CYBRD1: variants seen among roughly 807,000 people sequenced by gnomAD.
The protein encoded by CYBRD1 is cytochrome b reductase 1, also known as plasma membrane ascorbate-dependent reductase CYBRD1.
In CYBRD1, 14 loss-of-function variants were observed where a neutral mutation model predicts 21.9. The ratio of observed to expected loss-of-function variants is 0.64; its 90% CI spans 0.42 to 1.00. The LOEUF (loss-of-function observed/expected upper bound fraction) is 1.00, where lower values mean the gene tolerates loss of function less well. Ranked by LOEUF, CYBRD1 falls within the 50% of genes least tolerant of loss-of-function variation. CYBRD1 has a pLI of 0.00. For synonymous variants in CYBRD1, 146 were observed against 136.5 expected, an observed-to-expected ratio of 1.07 and a Z score of -0.48; for missense variants, 328 against 352.5, an observed-to-expected ratio of 0.93 and a Z score of 0.56.
chr2:171,534,719 G>A (rs534279751), intron 1 of CYBRD1, among the ~76,000 whole-genome samples: 10 of 152,298 alleles, frequency 6.6e-5, no homozygotes, highest in East Asian at 3.9e-4. Flanking sequence ...CACCTATTGA[G>A]TAGGTAAGAC....
At chr2:171,529,084 C>A (rs535599951) in intron 1 of CYBRD1, among the ~76,000 whole-genome samples, 2 of 152,278 alleles carry the variant, frequency 1.3e-5, no homozygotes, top group Non-Finnish European at 2.9e-5. Context: ...AATAAACATT[C>A]AATGAATATT....
rs71013042 is a variant in CYBRD1 at position 171,536,133 on chromosome 2, CTTTTTTTT to C, written c.194-5440_194-5433del. On this transcript the variant is annotated intron_variant, in intron 1 of 3. Coordinates refer to ENST00000321348, the MANE Select transcript of CYBRD1 (RefSeq NM_024843.4). ...GAGTCATGATATCATGATAGTTACT[CTTTTTTTT>C]TTTTTTTTTTTGAGACAGTGTCTTG... Among the ~76,000 whole-genome samples, 5 of 110,266 alleles carry C rather than the reference CTTTTTTTT, an allele frequency of 4.5e-5. No homozygotes were observed. In the East Asian group the frequency reaches 1.0e-3, roughly 23 times the overall value. The allele number at this position is 110,266 out of a possible 152,430, so 72.3% of individuals were successfully genotyped here. A position where few individuals can be genotyped will look rare whatever the true frequency, so the allele number is the denominator to read the frequency against.
In CYBRD1 at chr2:171,557,008, A is replaced by C. The variant is rs771597285; in HGVS notation, c.*2181A>C. 1 of 152,648 alleles carries C rather than the reference A, an allele frequency of 6.6e-6. No individual in the cohort carries two copies. The highest frequency in any genetic ancestry group is 1.9e-4 in the East Asian group (1 of 5,202). 9.5% of individuals were successfully genotyped at this position (152,648 alleles called of 1,614,324 possible). A position where few individuals can be genotyped will look rare whatever the true frequency, so the allele number is the denominator to read the frequency against. On this transcript the variant is annotated 3_prime_UTR_variant, in exon 4 of 4. Coordinates refer to ENST00000321348, the MANE Select transcript of CYBRD1 (RefSeq NM_024843.4). ...AGTTAATTATGGCTTTGGCACTAGA[A>C]TAGCACTGTTGCAAAGTATTTAAGC...
intron 2 of CYBRD1, among the ~76,000 whole-genome samples, chr2:171,545,377 CTTTTTTGT>C (rs1697695774): frequency 9.1e-6 from 1 of 109,748 alleles, no homozygotes; most frequent in South Asian, 3.3e-4. Flanking sequence ...ATGAATATAC[CTTTTTTGT>C]TTTTTTTTTT....
Position 171,553,379 on chromosome 2 carries a change from T to C in CYBRD1, c.436T>C (p.Trp146Arg), listed in dbSNP as rs761252992. Residue 146 changes from tryptophan to arginine, a missense_variant, in exon 3 of 4, where the codon TGG becomes CGG. By Grantham distance (101) the Trp-to-Arg change is moderately radical. Coordinates refer to ENST00000321348, the MANE Select transcript of CYBRD1 (RefSeq NM_024843.4). ...AGGTTTTTCAGTCTTTCTGCTTCCA[T>C]GGGCTCCGCTTTCTCTCCGAGCATT... ...LSGFSVFLLP[W>R]APLSLRAFLM... The C allele has an allele frequency of 1.1e-5, 17 of 1,613,606 alleles. No homozygotes were observed. Among genetic ancestry groups the C allele is most frequent in the Admixed American group, 1.7e-5 (1 of 59,992 alleles).
chr2:171,539,133 T>C (rs1158890077), intron 1 of CYBRD1, among the ~76,000 whole-genome samples: 1 of 152,120 alleles, frequency 6.6e-6, no homozygotes, highest in Non-Finnish European at 1.5e-5. Flanking sequence ...GTTTTATATA[T>C]TAAAATTATA....
rs916236328 is a variant in CYBRD1, at chr2:171,555,728, C to G, written c.*901C>G. The G allele has an allele frequency of 3.9e-5, 6 of 152,166 alleles. No homozygotes were observed. The highest frequency in any genetic ancestry group is 1.2e-4 in the African/African-American group (5 of 41,436). 9.4% of individuals were successfully genotyped at this position (152,166 alleles called of 1,614,324 possible). On this transcript the variant is annotated 3_prime_UTR_variant, in exon 4 of 4. Coordinates refer to ENST00000321348, the MANE Select transcript of CYBRD1 (RefSeq NM_024843.4). Reference sequence around the variant, plus strand: ...TACACATATTAGCTCATTCAGTCCCCAGACAGACGGGATGAAGTAGGTATT... The same window carrying G: ...TACACATATTAGCTCATTCAGTCCCGAGACAGACGGGATGAAGTAGGTATT...
chr2:171,527,672 C>T (rs930389932), intron 1 of CYBRD1, among the ~76,000 whole-genome samples: 1 of 152,148 alleles, frequency 6.6e-6, no homozygotes, highest in Non-Finnish European at 1.5e-5. Flanking sequence ...CCTCCTCTTC[C>T]CTTCATCCCA....
chr2:171,543,809 A>C (rs1458756169), intron 2 of CYBRD1, among the ~76,000 whole-genome samples: 1 of 151,854 alleles, frequency 6.6e-6, no homozygotes, highest in African/African-American at 2.4e-5. Flanking sequence ...TAGTTCATTC[A>C]TTTTTACTTT....
chr2:171,534,068 A>G (rs1225078453), intron 1 of CYBRD1, among the ~76,000 whole-genome samples: 3 of 152,224 alleles, frequency 2.0e-5, no homozygotes, highest in Non-Finnish European at 4.4e-5. Flanking sequence ...TTGTCTTAAG[A>G]TAATTATACA....
chr2:171,534,550 A>C (rs977820217), intron 1 of CYBRD1, among the ~76,000 whole-genome samples: 1 of 152,232 alleles, frequency 6.6e-6, no homozygotes, highest in African/African-American at 2.4e-5. Flanking sequence ...ATGCAAATGC[A>C]ACATTTTGCA....
chr2:171,529,531 CAAAAAAAAAAAAA>C (rs57600338), intron 1 of CYBRD1, among the ~76,000 whole-genome samples: 2 of 69,302 alleles, frequency 2.9e-5, no homozygotes, highest in Admixed American at 3.8e-4. Context: ...AACTCTGTCT[CAAAAAAAAAAAAA>C]AAAAAAAAAA....
rs892537981 is a variant in CYBRD1, at chr2:171,525,569, C to T, written c.193+2831C>T. 4.6e-5 allele frequency among the ~76,000 whole-genome samples: 7 copies of T among 152,114 alleles called. No individual in the cohort carries two copies. In the East Asian group the frequency reaches 1.2e-3, roughly 25 times the overall value. ...GCCATGTTATAACAGACTTTTTTAC[C>T]GTGTGTGATTGCTGCAAGGAGGAAA... On this transcript the variant is annotated intron_variant, in intron 1 of 3. Coordinates refer to ENST00000321348, the MANE Select transcript of CYBRD1 (RefSeq NM_024843.4).
chr2:171,549,937 C>G (rs1410320942), intron 2 of CYBRD1, among the ~76,000 whole-genome samples: 3 of 152,092 alleles, frequency 2.0e-5, no homozygotes, highest in East Asian at 3.8e-4. Context: ...GACTGTTTAT[C>G]CATATCTCTA....
chr2:171,535,955 A>C (rs1040943666), intron 1 of CYBRD1, among the ~76,000 whole-genome samples: 7 of 151,994 alleles, frequency 4.6e-5, no homozygotes, highest in Admixed American at 3.9e-4. Flanking sequence ...ACTTTCTAAA[A>C]GTAAACTTTT....
Position 171,522,526 on chromosome 2 carries a change from G to A in CYBRD1, c.-20G>A. ...TCTCCAAGTTCTTGTGGCCCCCGCG[G>A]TGCGGAGTATGGGGCGCTGATGGCC... On this transcript the variant is annotated 5_prime_UTR_variant, in exon 1 of 4. In the 5' UTR this introduces an upstream ATG that the reference lacks. Transcript: ENST00000321348. This position sits in a 1 kb window ranked among gnomAD's most constrained non-coding sequence, Gnocchi z 4.3. 6.3e-7 allele frequency: 1 copy of A among 1,581,574 alleles called. No individual in the cohort carries two copies. Among genetic ancestry groups the A allele is most frequent in the Non-Finnish European group, 8.6e-7 (1 of 1,165,008 alleles).
At chr2:171,548,435 T>C (rs182994909) in intron 2 of CYBRD1, among the ~76,000 whole-genome samples, 2 of 152,042 alleles carry the variant, frequency 1.3e-5, no homozygotes, top group African/African-American at 4.8e-5. Context: ...TTAATGAAAA[T>C]AAATGTGAGT....
rs1268803823 is a variant in CYBRD1, at chr2:171,547,931, CA to C, written c.403-5414del. On this transcript the variant is annotated intron_variant, in intron 2 of 3. Transcript: ENST00000321348. Reference sequence around the variant, plus strand: ...TTTACTCCAGTATTACCTAGCAGACCAGGGGTAGTCATGAAGATGGCTGAGC... The same window carrying C: ...TTTACTCCAGTATTACCTAGCAGACCGGGGTAGTCATGAAGATGGCTGAGC... 5.3e-5 allele frequency among the ~76,000 whole-genome samples: 8 copies of C among 151,844 alleles called. No individual in the cohort carries two copies. In the East Asian group the frequency reaches 1.4e-3, roughly 26 times the overall value.
rs1306900605 is a variant in CYBRD1 at position 171,554,721 on chromosome 2, A to G, written c.755A>G (p.Tyr252Cys). The change falls in exon 4 of 4, where the codon TAC (tyrosine) becomes TGC (cysteine). Residue 252 changes from tyrosine (Y) to cysteine (C), a missense_variant. By Grantham distance (194) the Tyr-to-Cys change is radical. Coordinates refer to ENST00000321348, the MANE Select transcript of CYBRD1 (RefSeq NM_024843.4). The stretch of plus-strand genomic sequence containing the variant: ...GGAGCAAGAGGTTCCATGCCAGCCT[A>G]CTCTGGCAACAACATGGACAAATCA... ...EQGARGSMPA[Y>C]SGNNMDKSDS... The G allele has an allele frequency of 1.2e-6, 2 of 1,614,036 alleles. No individual in the cohort carries two copies. Among genetic ancestry groups the G allele is most frequent in the South Asian group, 2.2e-5 (2 of 91,076 alleles).
Sources: allele counts gnomAD v4.1 joint callset (sites outside exome capture counted in the v4.1 genomes callset), GRCh38; gene constraint gnomAD v4.1.1; non-coding constraint Gnocchi (gnomAD v3.1); transcripts MANE v1.5; gene names NCBI Gene and HGNC (gene_info 2026-07-23, HGNC 2026-07-21).